TACC2: variants seen among roughly 807,000 people sequenced by gnomAD.
The protein encoded by TACC2 is transforming acidic coiled-coil containing protein 2.
A neutral mutation model predicts 227.3 loss-of-function variants in TACC2; 137 were observed. The ratio of observed to expected loss-of-function variants is 0.60; its 90% CI spans 0.52 to 0.69. The LOEUF (loss-of-function observed/expected upper bound fraction) is 0.69. Ranked by LOEUF, TACC2 falls within the 30% of genes least tolerant of loss-of-function variation. The probability of loss-of-function intolerance (pLI) is 0.00; values close to 1 mark genes in which losing one functional copy is unlikely to be tolerated. For synonymous variants in TACC2, 1,523 were observed against 1,487.5 expected (o/e 1.02, Z -0.55); for missense variants, 3,470 against 3,694.4 (o/e 0.94, Z 1.57).
intron 3 of TACC2, among the ~76,000 whole-genome samples, chr10:122,070,767 A>G (rs2077957318): frequency 6.7e-6 from 1 of 150,066 alleles, no homozygotes; most frequent in African/African-American, 2.5e-5. Flanking sequence ...AAAAAAAAAA[A>G]AAAAGAAATT....
At chr10:122,024,325 T>A (rs1033556462) in intron 2 of TACC2, among the ~76,000 whole-genome samples, 1 of 152,134 alleles carries the variant, frequency 6.6e-6, no homozygotes, top group African/African-American at 2.4e-5. Context: ...ATGTTTGCAC[T>A]ACTACATTCC....
At chr10:122,099,292 A>G (rs981067635) in intron 5 of TACC2, among the ~76,000 whole-genome samples, 2 of 152,204 alleles carry the variant, frequency 1.3e-5, no homozygotes, top group Non-Finnish European at 2.9e-5. Context: ...TTTGGAGCAG[A>G]GTGTGAGTGC....
intron 7 of TACC2, among the ~76,000 whole-genome samples, chr10:122,179,512 C>A (rs918167960): frequency 2.0e-5 from 3 of 152,206 alleles, no homozygotes; most frequent in African/African-American, 7.2e-5. Context: ...TTCCTTGATG[C>A]CCTTCACTTT....
At chr10:121,998,172 T>C (rs751499094) in intron 1 of TACC2, among the ~76,000 whole-genome samples, 2 of 151,520 alleles carry the variant, frequency 1.3e-5, no homozygotes, top group Non-Finnish European at 2.9e-5. Flanking sequence ...ATTAGCTGGG[T>C]GTGGTGGCAG....
At chr10:122,228,536 T>TC (rs892405450) in intron 14 of TACC2, among the ~76,000 whole-genome samples, 22 of 152,134 alleles carry the variant, frequency 1.4e-4, no homozygotes, top group African/African-American at 5.3e-4. Flanking sequence ...CCTTGTGCAT[T>TC]CCCCAAAGTA....
At chr10:122,000,884 G>T (rs1386344501) in intron 1 of TACC2, among the ~76,000 whole-genome samples, 1 of 152,146 alleles carries the variant, frequency 6.6e-6, no homozygotes, top group African/African-American at 2.4e-5. Flanking sequence ...GTGTAGTCAT[G>T]TGATCTTGGC....
At chr10:122,232,072 C>T (rs568266712) in intron 16 of TACC2, among the ~76,000 whole-genome samples, 23 of 152,328 alleles carry the variant, frequency 1.5e-4, no homozygotes, top group Middle Eastern at 3.4e-3. Flanking sequence ...CTGGGAACAG[C>T]GAGACCCAAG....
chr10:122,249,302 G>A, intron 21 of TACC2, 146 bp downstream of exon 21: 1 of 735,986 alleles, frequency 1.4e-6, no homozygotes, highest in Admixed American at 2.4e-5. Flanking sequence ...CTCGAGAGAA[G>A]GCACACAGTT....
At chr10:122,203,984 T>A (rs10887103) in intron 8 of TACC2, among the ~76,000 whole-genome samples, 1 of 150,450 alleles carries the variant, frequency 6.6e-6, no homozygotes, top group African/African-American at 2.5e-5. Flanking sequence ...AGCGAAACCC[T>A]GTCTCCACCA....
intron 5 of TACC2, among the ~76,000 whole-genome samples, chr10:122,090,567 A>G (rs2080683869): frequency 6.6e-6 from 1 of 150,504 alleles, no homozygotes; most frequent in Admixed American, 6.6e-5. Context: ...AAAAAAGAAA[A>G]AAAAAAAAGA....
intron 5 of TACC2, among the ~76,000 whole-genome samples, chr10:122,121,461 G>A (rs900981780): frequency 6.6e-6 from 1 of 152,168 alleles, no homozygotes; most frequent in Non-Finnish European, 1.5e-5. Flanking sequence ...GGCTTGGGCA[G>A]TCTGGCCCCG....
intron 22 of TACC2, among the ~76,000 whole-genome samples, chr10:122,251,085 A>G (rs59004239): frequency 0.044 from 6,648 of 151,002 alleles, 371 homozygotes; most frequent in East Asian, 0.21. Context: ...TACCAGGCTA[A>G]TTTTTTTAAT....
Position 122,083,555 on chromosome 10 carries a change from G to T in TACC2, c.1055G>T (p.Ser352Ile), listed in dbSNP as rs777878485. 1 of 1,613,174 alleles carries T rather than the reference G, an allele frequency of 6.2e-7. No individual in the cohort carries two copies. Among genetic ancestry groups the T allele is most frequent in the Non-Finnish European group, 8.5e-7 (1 of 1,179,988 alleles). Reference protein sequence around the residue: ...PHAELPWGLPSPALVPEAGGS... With the variant: ...PHAELPWGLPIPALVPEAGGS... ...GCAGAGCTGCCCTGGGGCTTGCCAAGTCCTGCCCTGGTGCCAGAGGCTGGG... is the reference window on the plus strand; with the variant it reads ...GCAGAGCTGCCCTGGGGCTTGCCAATTCCTGCCCTGGTGCCAGAGGCTGGG... Residue 352 changes from serine to isoleucine, a missense_variant, in exon 4 of 23, where the codon AGT (serine) becomes ATT (isoleucine). Physicochemically the swap from Ser to Ile is moderately radical, Grantham distance 142. Coordinates refer to ENST00000369005, the MANE Select transcript of TACC2 (RefSeq NM_206862.4).
chr10:122,137,850 G>T (rs1385265757), intron 6 of TACC2, among the ~76,000 whole-genome samples: 3 of 152,156 alleles, frequency 2.0e-5, no homozygotes, highest in Non-Finnish European at 4.4e-5. Context: ...CTGTGAACAG[G>T]TTTGAGCAGC....
chr10:122,219,318 C>T (rs909520313), intron 11 of TACC2, among the ~76,000 whole-genome samples: 17 of 152,200 alleles, frequency 1.1e-4, no homozygotes, highest in African/African-American at 4.1e-4. Flanking sequence ...TGGCTCTGCC[C>T]GCCTTCAGTG....
intron 5 of TACC2, among the ~76,000 whole-genome samples, chr10:122,089,945 C>T (rs763426511): frequency 1.3e-5 from 2 of 152,062 alleles, no homozygotes; most frequent in East Asian, 3.9e-4. Context: ...TTGCTACTGA[C>T]TTAGGATACA....
intron 1 of TACC2, among the ~76,000 whole-genome samples, chr10:122,007,697 T>C (rs1193377310): frequency 6.6e-6 from 1 of 152,226 alleles, no homozygotes; most frequent in Non-Finnish European, 1.5e-5. Flanking sequence ...TTTCTTTTCA[T>C]AGAACTCTAA....
intron 2 of TACC2, among the ~76,000 whole-genome samples, chr10:122,026,164 A>T (rs144410886): frequency 1.2e-5 from 1 of 83,630 alleles, no homozygotes; most frequent in African/African-American, 4.1e-5. Flanking sequence ...TAAAAATCCA[A>T]AAAAAAAAAA....
At chr10:122,173,981 A>C (rs950932609) in intron 7 of TACC2, among the ~76,000 whole-genome samples, 1 of 152,142 alleles carries the variant, frequency 6.6e-6, no homozygotes, top group Non-Finnish European at 1.5e-5. Context: ...GAGCCAAGCC[A>C]AGCCTAGGCT....
Sources: allele counts gnomAD v4.1 joint callset (sites outside exome capture counted in the v4.1 genomes callset), GRCh38; gene constraint gnomAD v4.1.1; transcripts MANE v1.5; gene names NCBI Gene and HGNC (gene_info 2026-07-23, HGNC 2026-07-21).